DNM3: variants seen among roughly 807,000 people sequenced by gnomAD.
DNM3 encodes dynamin 3, also known as dynamin-3.
Under a neutral mutation model 101.6 loss-of-function variants are expected in DNM3, and 47 were observed. The observed-to-expected ratio is 0.46, with a 90% confidence interval of 0.37 to 0.59. The LOEUF is 0.59. DNM3 is among the 20% of genes least tolerant of loss of function. The pLI is 0.00. For missense variants in DNM3, 849 were observed against 1,085.7 expected (o/e 0.78, Z 3.06); for synonymous variants, 385 against 387.9 (o/e 0.99, Z 0.09).
Position 172,408,528 on chromosome 1 carries a change from T to TAATC in DNM3, c.*689_*692dup. The TAATC allele has an allele frequency of 1.0e-6, 1 of 985,350 alleles. No individual in the cohort carries two copies. 61.0% of individuals were successfully genotyped at this position (985,350 alleles called of 1,614,324 possible). On this transcript the variant is annotated 3_prime_UTR_variant, in exon 21 of 21. Transcript: ENST00000627582. The stretch of plus-strand genomic sequence containing the variant: ...AGTGAATAAAAGCTTCTTTTTTTGT[T>TAATC]AATCAGTCAATAAATTTGGCTAATT...
At chr1:172,354,112 T>TGAGAGAGAGA (rs71563205) in intron 17 of DNM3, among the ~76,000 whole-genome samples, 2,158 of 94,922 alleles carry the variant, frequency 0.023, 48 homozygotes, top group Middle Eastern at 0.051. Context: ...TGTGTGTGTG[T>TGAGAGAGAGA]GAGAGAGAGA....
intron 2 of DNM3, among the ~76,000 whole-genome samples, chr1:171,936,689 A>G (rs993998565): frequency 6.6e-6 from 1 of 152,210 alleles, no homozygotes; most frequent in Non-Finnish European, 1.5e-5. Flanking sequence ...TATCTATTAC[A>G]TAATGTAAAG....
chr1:172,047,905 C>G (rs2049931873), intron 9 of DNM3, among the ~76,000 whole-genome samples: 1 of 152,080 alleles, frequency 6.6e-6, no homozygotes, highest in African/African-American at 2.4e-5. Context: ...GATTCAAAGT[C>G]CCCTGTTATT....
Position 172,412,190 on chromosome 1 carries a change from A to G in DNM3, c.*4349A>G. 1.0e-6 allele frequency: 1 copy of G among 985,752 alleles called. No individual in the cohort carries two copies. Among genetic ancestry groups the G allele is most frequent in the South Asian group, 4.7e-5 (1 of 21,282 alleles). 61.1% of individuals were successfully genotyped at this position (985,752 alleles called of 1,614,324 possible). On this transcript the variant is annotated 3_prime_UTR_variant, in exon 21 of 21. Transcript: ENST00000627582. ...TCTCACTTCTGGTTGGAGGTTTCAC[A>G]TATGGCTCAACTCAAGTCATTAATC...
intron 14 of DNM3, among the ~76,000 whole-genome samples, chr1:172,134,812 A>T (rs890297565): frequency 3.7e-4 from 57 of 152,148 alleles, no homozygotes; most frequent in African/African-American, 1.3e-3. Context: ...TGGTCAGAGA[A>T]GGTTTGTGTT....
At chr1:172,055,517 T>C (rs2050533422) in intron 10 of DNM3, among the ~76,000 whole-genome samples, 1 of 151,956 alleles carries the variant, frequency 6.6e-6, no homozygotes, top group African/African-American at 2.4e-5. Flanking sequence ...AATTATATTA[T>C]TTATGTCTGC....
intron 4 of DNM3, among the ~76,000 whole-genome samples, chr1:172,021,473 AC>A (rs1247950368): frequency 1.3e-5 from 2 of 152,174 alleles, no homozygotes; most frequent in Non-Finnish European, 2.9e-5. Flanking sequence ...ACAAAACAAA[AC>A]CAAAACAACA....
chr1:171,955,819 C>T (rs1264811774), intron 2 of DNM3, among the ~76,000 whole-genome samples: 3 of 152,240 alleles, frequency 2.0e-5, no homozygotes, highest in Middle Eastern at 3.4e-3. Context: ...TTAATGGACT[C>T]ATAGTTCCAC....
chr1:171,922,123 TTGTGTG>T (rs3051604), intron 2 of DNM3, among the ~76,000 whole-genome samples: 2,195 of 135,796 alleles, frequency 0.016, 61 homozygotes, highest in African/African-American at 0.057. Context: ...TTGGTATGCT[TTGTGTG>T]TGTGTGTGTG....
At chr1:172,087,747 C>G (rs1264349610) in intron 12 of DNM3, among the ~76,000 whole-genome samples, 1 of 152,222 alleles carries the variant, frequency 6.6e-6, no homozygotes, top group African/African-American at 2.4e-5. Context: ...CTACAACAGT[C>G]TCTCTGTACC....
At chr1:172,128,360 CT>C (rs2148059387) in intron 13 of DNM3, among the ~76,000 whole-genome samples, 1 of 152,272 alleles carries the variant, frequency 6.6e-6, no homozygotes, top group African/African-American at 2.4e-5. Flanking sequence ...CAAACTGGGT[CT>C]TTTTCCTCTA....
chr1:172,297,140 C>CT, intron 15 of DNM3, among the ~76,000 whole-genome samples: 1 of 109,348 alleles, frequency 9.1e-6, no homozygotes, highest in Non-Finnish European at 1.8e-5. Context: ...AAAACTCCAT[C>CT]TCAAAAAAAA....
At chr1:172,292,601 T>TCACACACA (rs3079013) in intron 15 of DNM3, among the ~76,000 whole-genome samples, 2,509 of 148,646 alleles carry the variant, frequency 0.017, 28 homozygotes, top group East Asian at 0.026. Context: ...ATAGAAGACT[T>TCACACACA]CACACACACA....
chr1:172,324,161 G>T (rs1277278118), intron 17 of DNM3, among the ~76,000 whole-genome samples: 3 of 152,130 alleles, frequency 2.0e-5, no homozygotes, highest in Non-Finnish European at 4.4e-5. Flanking sequence ...CGTTTAGTTG[G>T]GCGATTTGTT....
intron 15 of DNM3, among the ~76,000 whole-genome samples, chr1:172,283,172 G>T (rs2063553997): frequency 6.6e-6 from 1 of 152,104 alleles, no homozygotes; most frequent in Non-Finnish European, 1.5e-5. Context: ...AACGCCAGGG[G>T]CTCCATATTG....
downstream of DNM3, among the ~76,000 whole-genome samples, chr1:172,417,079 GTTT>G (rs1039585258): frequency 1.3e-5 from 2 of 151,544 alleles, no homozygotes; most frequent in African/African-American, 4.9e-5. Context: ...TTCTGTTTTT[GTTT>G]TTGTTTTTTT....
At chr1:172,390,014 C>T (rs762293761) in intron 20 of DNM3, among the ~76,000 whole-genome samples, 3 of 152,138 alleles carry the variant, frequency 2.0e-5, no homozygotes, top group Admixed American at 6.5e-5. Context: ...TTCCCCAGAT[C>T]ATATGACATG....
At chr1:171,935,150 A>G (rs182644883) in intron 2 of DNM3, among the ~76,000 whole-genome samples, 7 of 152,086 alleles carry the variant, frequency 4.6e-5, no homozygotes, top group South Asian at 2.1e-4. Flanking sequence ...TGTAAAGGAG[A>G]ATAAATATAT....
chr1:172,316,504 C>T (rs1216361684), intron 16 of DNM3, among the ~76,000 whole-genome samples: 1 of 151,998 alleles, frequency 6.6e-6, no homozygotes, highest in Non-Finnish European at 1.5e-5. Context: ...ATCTCACGTG[C>T]AGAGACACAC....
Sources: gnomAD v4.1 joint callset for allele counts (sites outside exome capture counted in the v4.1 genomes callset) on GRCh38, gnomAD v4.1.1 for gene constraint, MANE v1.5 for transcripts, NCBI Gene and HGNC (gene_info 2026-07-23, HGNC 2026-07-21) for gene names.